Variants in PSMG4 observed in about 807,000 individuals in gnomAD.
The protein encoded by PSMG4 is proteasome assembly chaperone 4, also known as proteasome (prosome, macropain) assembly chaperone 4.
Under a neutral mutation model 11.0 loss-of-function variants are expected in PSMG4, and 10 were observed. That is an observed-to-expected ratio of 0.91 (90% CI 0.56 to 1.54). The LOEUF (loss-of-function observed/expected upper bound fraction) is 1.54, where lower values mean the gene tolerates loss of function less well. Ranked by LOEUF, PSMG4 falls within the 40% of genes most tolerant of loss-of-function variation. The probability of loss-of-function intolerance (pLI) is 0.00; values close to 1 mark genes in which losing one functional copy is unlikely to be tolerated. For synonymous variants in PSMG4, 95 were observed against 71.3 expected, an observed-to-expected ratio of 1.33 and a Z score of -1.68; for missense variants, 198 against 160.9, an observed-to-expected ratio of 1.23 and a Z score of -1.25.
At chr6:3,255,908 T>C (rs1283620750), upstream of PSMG4, among the ~76,000 whole-genome samples, 1 of 152,188 alleles carries the variant, frequency 6.6e-6, no homozygotes, top group African/African-American at 2.4e-5. Context: ...AGAAAACACA[T>C]TTGCTGCATC....
chr6:3,254,843 C>T (rs573215135), upstream of PSMG4, among the ~76,000 whole-genome samples: 11 of 152,202 alleles, frequency 7.2e-5, no homozygotes, highest in African/African-American at 1.7e-4. Flanking sequence ...CCTTAGAAAA[C>T]ACTTTAACTC....
At chr6:3,262,507 T>C (rs1554129886) in intron 1 of PSMG4, among the ~76,000 whole-genome samples, 1 of 152,186 alleles carries the variant, frequency 6.6e-6, no homozygotes, top group Non-Finnish European at 1.5e-5. Context: ...TGTTTTTTGA[T>C]CTCCTGCCTT....
At chr6:3,255,076 C>T (rs532615366), upstream of PSMG4, 129 of 1,550,988 alleles carry the variant, frequency 8.3e-5, no homozygotes, top group Middle Eastern at 1.7e-4. Flanking sequence ...GAATATGCTT[C>T]TATTCCTAAG....
chr6:3,256,456 C>T (rs1300894955), upstream of PSMG4, among the ~76,000 whole-genome samples: 2 of 152,208 alleles, frequency 1.3e-5, no homozygotes, highest in Non-Finnish European at 2.9e-5. Flanking sequence ...AGCTCTAACC[C>T]TTCAAATGTT....
At position 3,267,672 on chromosome 6, in the gene PSMG4, G is replaced by A. The variant is rs1758250065; in HGVS notation, c.332G>A (p.Arg111Lys). ...AACTTCGCATTACTTGTAGAAAACA[G>A]GATCAAGGAAGAGATGGAGGCTTTC... ...DSNFALLVENRIKEEMEAFPE... is the reference protein window; with the variant it reads ...DSNFALLVENKIKEEMEAFPE... The change falls in exon 3 of 3, where the codon AGG (arginine) becomes AAG (lysine). Residue 111 changes from arginine to lysine, a missense_variant. Physicochemically the swap from Arg to Lys is conservative, Grantham distance 26 (BLOSUM62 2). Coordinates refer to ENST00000438998, the MANE Select transcript of PSMG4 (RefSeq NM_001128591.2). 1 of 1,552,174 alleles carries A rather than the reference G, an allele frequency of 6.4e-7. No individual in the cohort carries two copies. Among genetic ancestry groups the A allele is most frequent in the African/African-American group, 1.4e-5 (1 of 73,064 alleles).
At chr6:3,254,558 C>G (rs570866182), upstream of PSMG4, among the ~76,000 whole-genome samples, 2 of 151,692 alleles carry the variant, frequency 1.3e-5, no homozygotes, top group Non-Finnish European at 2.9e-5. Context: ...GATTTGTTCT[C>G]GGGGTTTGTG....
At chr6:3,257,339 GGA>G (rs745430829), upstream of PSMG4, among the ~76,000 whole-genome samples, 24 of 152,226 alleles carry the variant, frequency 1.6e-4, no homozygotes, top group East Asian at 1.7e-3. Flanking sequence ...CAGCAAAGCT[GGA>G]GAGAGAGAGG....
Position 3,259,075 on chromosome 6 carries a change from G to T in PSMG4, c.53G>T (p.Ser18Ile). Reference protein sequence around the residue: ...AGGDVSLHNFSARLWEQLVHF... With the variant: ...AGGDVSLHNFIARLWEQLVHF... Reference sequence around the variant, plus strand: ...GGGGACGTCTCCCTGCACAACTTCAGCGCGAGGCTGTGGGAGCAGCTGGTC... The same window carrying T: ...GGGGACGTCTCCCTGCACAACTTCATCGCGAGGCTGTGGGAGCAGCTGGTC... Residue 18 changes from serine (S) to isoleucine (I), a missense_variant, in exon 1 of 3, where the codon AGC (serine) becomes ATC (isoleucine). Transcript: ENST00000438998. 1 of 1,270,208 alleles carries T rather than the reference G, an allele frequency of 7.9e-7. No homozygotes were observed. 78.7% of individuals were successfully genotyped at this position (1,270,208 alleles called of 1,614,324 possible). A position where few individuals can be genotyped will look rare whatever the true frequency, so the allele number is the denominator to read the frequency against.
chr6:3,259,116 C>A lies in PSMG4; in HGVS notation c.94C>A (p.Arg32=). 2.3e-6 allele frequency: 3 copies of A among 1,280,848 alleles called. No homozygotes were observed. The highest frequency in any genetic ancestry group is 3.0e-6 in the Non-Finnish European group (3 of 1,012,304). 79.3% of individuals were successfully genotyped at this position (1,280,848 alleles called of 1,614,324 possible). A position where few individuals can be genotyped will look rare whatever the true frequency, so the allele number is the denominator to read the frequency against. The change falls in exon 1 of 3, where the codon CGG becomes AGG. Residue 32 remains arginine, a synonymous_variant. Transcript: ENST00000438998. Reference sequence around the variant, plus strand: ...GCAGCTGGTCCACTTCCACGTCATGCGGCTGACGGACTCGCTGTTCCTGTG... The same window carrying A: ...GCAGCTGGTCCACTTCCACGTCATGAGGCTGACGGACTCGCTGTTCCTGTG... ...WEQLVHFHVM[R]LTDSLFLWVG... is the part of the protein sequence containing the mutation.
upstream of PSMG4, among the ~76,000 whole-genome samples, chr6:3,255,756 A>G (rs1013364530): frequency 2.6e-5 from 4 of 152,256 alleles, no homozygotes; most frequent in African/African-American, 9.6e-5. Context: ...AAATGCACCA[A>G]TGTGATATTC....
intron 1 of PSMG4, among the ~76,000 whole-genome samples, chr6:3,262,379 C>T (rs553992166): frequency 2.6e-5 from 4 of 152,360 alleles, no homozygotes; most frequent in African/African-American, 7.2e-5. Flanking sequence ...ACTGTACATA[C>T]TATTACCATG....
At chr6:3,257,076 C>T (rs188511108), upstream of PSMG4, among the ~76,000 whole-genome samples, 94 of 152,266 alleles carry the variant, frequency 6.2e-4, no homozygotes, top group African/African-American at 2.2e-3. Flanking sequence ...AAGATAGGGT[C>T]CAATGAAGAT....
In PSMG4 at chr6:3,260,291, A is replaced by ATTTTTTTTTTTTTTTTTTTTT. The variant is rs869076629; in HGVS notation, c.174+1113_174+1114insTTTTTTTTTTTTTTTTTTTTT. Among the ~76,000 whole-genome samples, 3 of 70,842 alleles carry ATTTTTTTTTTTTTTTTTTTTT rather than the reference A, an allele frequency of 4.2e-5. 1 individual carries two copies. The highest frequency in any genetic ancestry group is 2.1e-4 in the Admixed American group (1 of 4,742). The allele number at this position is 70,842 out of a possible 152,430, so 46.5% of individuals were successfully genotyped here. A position where few individuals can be genotyped will look rare whatever the true frequency, so the allele number is the denominator to read the frequency against. ...TGTCTTAAATTGTATATATATATAT[A>ATTTTTTTTTTTTTTTTTTTTT]TTTTTTTTTTTTTTTTTTGAAGCAA... On this transcript the variant is annotated intron_variant, in intron 1 of 2. Coordinates refer to ENST00000438998, the MANE Select transcript of PSMG4 (RefSeq NM_001128591.2).
At chr6:3,267,291 T>A in intron 2 of PSMG4, 1 of 249,630 alleles carries the variant, frequency 4.0e-6, no homozygotes, top group Non-Finnish European at 7.8e-6. Context: ...AAATCCTGGC[T>A]TTCTGGGTCA....
chr6:3,254,509 T>C (rs555465904), upstream of PSMG4, among the ~76,000 whole-genome samples: 151 of 152,226 alleles, frequency 9.9e-4, no homozygotes, highest in Admixed American at 3.1e-3. Context: ...GTGTATGTGT[T>C]GGGTTTATGA....
At chr6:3,255,827 A>G (rs953201094), upstream of PSMG4, among the ~76,000 whole-genome samples, 1 of 152,120 alleles carries the variant, frequency 6.6e-6, no homozygotes, top group African/African-American at 2.4e-5. Context: ...ATTGTGGGCA[A>G]AACTGTAAAT....
At position 3,260,275 on chromosome 6, in the gene PSMG4, T is replaced by TTTTATA. The variant is rs1261021278; in HGVS notation, c.174+1080_174+1081insTTATAT. ...TACTCCAGTATAACCTTGTCTTAAA[T>TTTTATA]TGTATATATATATATATTTTTTTTT... On this transcript the variant is annotated intron_variant, in intron 1 of 2. Coordinates refer to ENST00000438998, the MANE Select transcript of PSMG4 (RefSeq NM_001128591.2). 4.9e-4 allele frequency among the ~76,000 whole-genome samples: 34 copies of TTTTATA among 69,088 alleles called. 1 individual carries two copies. Among genetic ancestry groups the TTTTATA allele is most frequent in the African/African-American group, 2.1e-3 (34 of 16,174 alleles). 45.3% of individuals were successfully genotyped at this position (69,088 alleles called of 152,430 possible).
intron 1 of PSMG4, among the ~76,000 whole-genome samples, chr6:3,262,244 A>G (rs561809567): frequency 5.9e-5 from 9 of 152,216 alleles, no homozygotes; most frequent in Non-Finnish European, 1.0e-4. Flanking sequence ...CTGGGAGACC[A>G]CAGTCCTAGT....
chr6:3,261,831 C>G (rs921364181), intron 1 of PSMG4, among the ~76,000 whole-genome samples: 6 of 152,192 alleles, frequency 3.9e-5, no homozygotes, highest in Non-Finnish European at 5.9e-5. Context: ...CTGTGGAGCT[C>G]TTGTACCTTG....
Sources: gnomAD v4.1 joint callset for allele counts (sites outside exome capture counted in the v4.1 genomes callset) on GRCh38, gnomAD v4.1.1 for gene constraint, MANE v1.5 for transcripts, NCBI Gene and HGNC (gene_info 2026-07-23, HGNC 2026-07-21) for gene names.